Variants in ARHGAP20 observed in about 807,000 individuals in gnomAD.
The protein encoded by ARHGAP20 is Rho GTPase activating protein 20, also known as rho GTPase-activating protein 20.
Under a neutral mutation model 73.7 loss-of-function variants are expected in ARHGAP20, and 34 were observed. That is an observed-to-expected ratio of 0.46 (90% CI 0.35 to 0.61). The LOEUF (loss-of-function observed/expected upper bound fraction) is 0.61. ARHGAP20 is among the 20% of genes least tolerant of loss of function. ARHGAP20 has a pLI of 0.00. For missense variants in ARHGAP20, 1,314 were observed against 1,420.9 expected, an observed-to-expected ratio of 0.92 and a Z score of 1.21; for synonymous variants, 523 against 518.2, an observed-to-expected ratio of 1.01 and a Z score of -0.13.
Position 110,712,269 on chromosome 11 carries a change from G to A in ARHGAP20, c.-38C>T. The A allele has an allele frequency of 3.9e-6, 5 of 1,290,164 alleles. No individual in the cohort carries two copies. Among genetic ancestry groups the A allele is most frequent in the Non-Finnish European group, 4.0e-6 (4 of 1,009,934 alleles). 79.9% of individuals were successfully genotyped at this position (1,290,164 alleles called of 1,614,324 possible). A position where few individuals can be genotyped will look rare whatever the true frequency, so the allele number is the denominator to read the frequency against. On this transcript the variant is annotated 5_prime_UTR_variant, in exon 1 of 15. Transcript: ENST00000683387. ...CAAACAAATCCCAGCCCAGGAGGAG[G>A]CTACACGATCATGTCCGCGGGCTGC...
intron 13 of ARHGAP20, among the ~76,000 whole-genome samples, chr11:110,582,962 G>GT (rs1418565374): frequency 1.3e-5 from 2 of 152,188 alleles, no homozygotes; most frequent in African/African-American, 4.8e-5. Context: ...GCAGGGAAAG[G>GT]TAAGAGTTTA....
intron 8 of ARHGAP20, among the ~76,000 whole-genome samples, chr11:110,608,774 T>C (rs1948293063): frequency 6.6e-6 from 1 of 152,198 alleles, no homozygotes. Context: ...TTTATATTTC[T>C]CTTCCCAACT....
At chr11:110,642,325 T>C (rs954733917) in intron 2 of ARHGAP20, among the ~76,000 whole-genome samples, 3 of 152,246 alleles carry the variant, frequency 2.0e-5, no homozygotes, top group South Asian at 2.1e-4. Flanking sequence ...CAGTACTATG[T>C]GGAATAAAAG....
chr11:110,678,612 A>G (rs1021363051), intron 2 of ARHGAP20, among the ~76,000 whole-genome samples: 2 of 152,206 alleles, frequency 1.3e-5, no homozygotes, highest in Non-Finnish European at 2.9e-5. Context: ...GCAATAACAA[A>G]TTACCCCCAA....
chr11:110,690,518 G>C, intron 2 of ARHGAP20, 29 bp downstream of exon 2: 1 of 1,584,410 alleles, frequency 6.3e-7, no homozygotes, highest in Non-Finnish European at 8.7e-7. Context: ...AGCACATACT[G>C]AATGTGTAAT....
chr11:110,702,785 T>C (rs1007124720), intron 1 of ARHGAP20, among the ~76,000 whole-genome samples: 26 of 152,144 alleles, frequency 1.7e-4, no homozygotes, highest in African/African-American at 5.8e-4. Flanking sequence ...CCATTCACAA[T>C]TGCTTCAAAG....
chr11:110,589,531 C>T, intron 11 of ARHGAP20: 1 of 985,420 alleles, frequency 1.0e-6, no homozygotes, highest in Non-Finnish European at 1.2e-6. Context: ...TGTCTCGACC[C>T]CTAGCTCTGG....
intron 3 of ARHGAP20, among the ~76,000 whole-genome samples, chr11:110,628,800 A>G (rs1948801164): frequency 6.6e-6 from 1 of 152,186 alleles, no homozygotes; most frequent in Admixed American, 6.5e-5. Flanking sequence ...TGAGAAAGGG[A>G]CAATCAAAAT....
chr11:110,619,354 T>A (rs1948568308), intron 4 of ARHGAP20, among the ~76,000 whole-genome samples: 1 of 150,380 alleles, frequency 6.6e-6, no homozygotes, highest in Non-Finnish European at 1.5e-5. Context: ...ATAGAGTATA[T>A]GTAGTGATAG....
intron 1 of ARHGAP20, among the ~76,000 whole-genome samples, chr11:110,707,022 TG>T: frequency 6.6e-6 from 1 of 152,250 alleles, no homozygotes; most frequent in Non-Finnish European, 1.5e-5. Flanking sequence ...AGTTAGCCCT[TG>T]GGGGTGTTCT....
intron 2 of ARHGAP20, among the ~76,000 whole-genome samples, chr11:110,687,514 C>T (rs1450568333): frequency 1.3e-5 from 2 of 152,114 alleles, no homozygotes; most frequent in Non-Finnish European, 2.9e-5. Flanking sequence ...TGGTTCTCAA[C>T]TTAAAACAAT....
intron 2 of ARHGAP20, among the ~76,000 whole-genome samples, chr11:110,648,367 G>T (rs1286657114): frequency 7.0e-6 from 1 of 143,828 alleles, no homozygotes; most frequent in Non-Finnish European, 1.5e-5. Flanking sequence ...TATATATGTG[G>T]ATATATATGT....
In ARHGAP20 at chr11:110,615,489, C is replaced by A; in HGVS notation, c.545+64G>T. 2.7e-6 allele frequency: 4 copies of A among 1,473,746 alleles called. No individual in the cohort carries two copies. In the South Asian group the frequency reaches 4.9e-5, roughly 18 times the overall value. 91.3% of individuals were successfully genotyped at this position (1,473,746 alleles called of 1,614,324 possible). A position where few individuals can be genotyped will look rare whatever the true frequency, so the allele number is the denominator to read the frequency against. ...GGGAATAATTTGGGGCACATCTCTGCAGAAAAGGTCTTAATTCATTTATTA... is the reference window on the plus strand; with the variant it reads ...GGGAATAATTTGGGGCACATCTCTGAAGAAAAGGTCTTAATTCATTTATTA... On this transcript the variant is annotated intron_variant, in intron 5 of 14. Transcript: ENST00000683387.
chr11:110,612,433 A>G (rs1477667604), intron 6 of ARHGAP20, among the ~76,000 whole-genome samples: 1 of 151,866 alleles, frequency 6.6e-6, no homozygotes, highest in Non-Finnish European at 1.5e-5. Flanking sequence ...ATCTCAAAAA[A>G]AAAACAAAAA....
chr11:110,620,423 T>C (rs918234506), intron 4 of ARHGAP20, among the ~76,000 whole-genome samples: 2 of 152,200 alleles, frequency 1.3e-5, no homozygotes, highest in Admixed American at 1.3e-4. Context: ...GCAGCTGGGA[T>C]TACAGGCACC....
intron 12 of ARHGAP20, among the ~76,000 whole-genome samples, chr11:110,585,018 C>A (rs879549547): frequency 2.7e-3 from 167 of 61,826 alleles, no homozygotes; most frequent in Non-Finnish European, 6.3e-3. Flanking sequence ...TGTATGTGAA[C>A]ATATATGTGA....
intron 8 of ARHGAP20, 75 bp from the exon 9 acceptor site, chr11:110,606,824 G>A: frequency 7.9e-7 from 1 of 1,267,184 alleles, no homozygotes. Flanking sequence ...AAATAGGAAT[G>A]TACTGCAATT....
In ARHGAP20 at chr11:110,690,587, G is replaced by A. The variant is rs1950222978; in HGVS notation, c.148C>T (p.Leu50Phe). The change falls in exon 2 of 15, where the codon CTT becomes TTT. Residue 50 changes from leucine to phenylalanine, a missense_variant. This residue lies in a region of ARHGAP20 where 443 missense variants were observed against 466.4 expected (regional missense o/e 0.95). Coordinates refer to ENST00000683387, the MANE Select transcript of ARHGAP20 (RefSeq NM_001384657.1). Reference protein sequence around the residue: ...LAERRRSAPSLILDKALQKRP... With the variant: ...LAERRRSAPSFILDKALQKRP... ...TTTTGTAGGGCTTTATCCAGGATAA[G>A]AGATGGAGCGCTCCTCCTCCTTTCT... 3.1e-6 allele frequency: 5 copies of A among 1,614,094 alleles called. No individual in the cohort carries two copies. The highest frequency in any genetic ancestry group is 4.2e-6 in the Non-Finnish European group (5 of 1,179,988).
Position 110,690,771 on chromosome 11 carries a change from A to C in ARHGAP20, c.106-142T>G. On this transcript the variant is annotated intron_variant, in intron 1 of 14. Transcript: ENST00000683387. Reference sequence around the variant, plus strand: ...GCCTACAGTTTCATTATGGAGATAAAACTGTAACATCTAAAATAGGATAGT... The same window carrying C: ...GCCTACAGTTTCATTATGGAGATAACACTGTAACATCTAAAATAGGATAGT... The C allele has an allele frequency of 4.5e-6, 4 of 896,478 alleles. No individual in the cohort carries two copies. The East Asian group carries it at 1.1e-4, about 24-fold the overall frequency. 55.5% of individuals were successfully genotyped at this position (896,478 alleles called of 1,614,324 possible).
Sources: gnomAD v4.1 joint callset for allele counts (sites outside exome capture counted in the v4.1 genomes callset) on GRCh38, gnomAD v4.1.1 for gene constraint, gnomAD v4.1.1 regional missense constraint, MANE v1.5 for transcripts, NCBI Gene and HGNC (gene_info 2026-07-23, HGNC 2026-07-21) for gene names.